Variants in ARID1A observed in about 807,000 individuals in gnomAD.
ARID1A encodes the protein AT-rich interactive domain-containing protein 1A.
ARID1A carries 20 observed loss-of-function variants against 212.6 expected under a neutral mutation model. The observed-to-expected ratio is 0.09, with a 90% CI of 0.07 to 0.14. ARID1A has a LOEUF of 0.14. Ranked by LOEUF, ARID1A falls within the 10% of genes least tolerant of loss-of-function variation. ARID1A has a pLI of 1.00. For missense variants in ARID1A, 2,587 were observed against 3,059.0 expected, an observed-to-expected ratio of 0.85 and a Z score of 3.64; for synonymous variants, 1,376 against 1,222.1, an observed-to-expected ratio of 1.13 and a Z score of -2.63.
intron 1 of ARID1A, among the ~76,000 whole-genome samples, chr1:26,715,187 TA>T (rs2080490574): frequency 6.6e-6 from 1 of 152,238 alleles, no homozygotes. Context: ...TTACTTTGTT[TA>T]TTTGTTTGTT....
At chr1:26,775,875 A>T in intron 19 of ARID1A, 168 bp downstream of exon 19, 1 of 953,118 alleles carries the variant, frequency 1.0e-6, no homozygotes, top group South Asian at 1.4e-5. Context: ...CAGGATTTTG[A>T]CAGCAATAAT....
At chr1:26,743,481 A>G (rs2080807481) in intron 4 of ARID1A, among the ~76,000 whole-genome samples, 1 of 151,992 alleles carries the variant, frequency 6.6e-6, no homozygotes, top group Admixed American at 6.6e-5. Flanking sequence ...TTGGGAGCTG[A>G]CGTTTTGTTG....
At position 26,740,677 on chromosome 1, in the gene ARID1A, A is replaced by G. The variant is rs571728996; in HGVS notation, c.1920+7885A>G. The stretch of plus-strand genomic sequence containing the variant: ...GGTAACTGGGGCAATCATGTGATAA[A>G]ACTAATGTTTTACAAAAATGATCCA... On this transcript the variant is annotated intron_variant, in intron 4 of 19. Coordinates refer to ENST00000324856, the MANE Select transcript of ARID1A (RefSeq NM_006015.6). 2.0e-5 allele frequency among the ~76,000 whole-genome samples: 3 copies of G among 152,348 alleles called. No individual in the cohort carries two copies. The East Asian group carries it at 5.8e-4, about 29-fold the overall frequency.
intron 4 of ARID1A, among the ~76,000 whole-genome samples, chr1:26,756,585 A>AC (rs1389747558): frequency 4.6e-5 from 7 of 151,632 alleles, no homozygotes; most frequent in Non-Finnish European, 7.4e-5. Context: ...AAAACAAAAA[A>AC]ACACACACAA....
At chr1:26,775,519 AGGGGTGCCTCCAGCCAACCT>A in intron 18 of ARID1A, 38 bp from the exon 19 acceptor site, 3 of 1,606,810 alleles carry the variant, frequency 1.9e-6, no homozygotes, top group Non-Finnish European at 2.5e-6. Context: ...GGGCAGCCCT[AGGGGTGCCTCCAGCCAACCT>A]GGGCTTGGTG....
chr1:26,760,297 C>CA (rs1484963987), intron 4 of ARID1A, among the ~76,000 whole-genome samples: 1 of 152,288 alleles, frequency 6.6e-6, no homozygotes, highest in Non-Finnish European at 1.5e-5. Flanking sequence ...ACTATAGTGT[C>CA]AGAGTTGAGT....
At chr1:26,777,031 G>T (rs564325060) in intron 19 of ARID1A, among the ~76,000 whole-genome samples, 2 of 152,160 alleles carry the variant, frequency 1.3e-5, no homozygotes, top group African/African-American at 4.8e-5. Flanking sequence ...ACCCTGTAAA[G>T]TTTAGGAATT....
At chr1:26,733,360 G>GTATA (rs767177823) in intron 4 of ARID1A, among the ~76,000 whole-genome samples, 1 of 152,118 alleles carries the variant, frequency 6.6e-6, no homozygotes, top group Non-Finnish European at 1.5e-5. Context: ...GAGACAGGCA[G>GTATA]TATAGTCTAG....
chr1:26,742,625 G>A (rs2080798569), intron 4 of ARID1A, among the ~76,000 whole-genome samples: 1 of 152,086 alleles, frequency 6.6e-6, no homozygotes, highest in South Asian at 2.1e-4. Flanking sequence ...GTGTCTAATG[G>A]TTTAGAAGCA....
At position 26,774,094 on chromosome 1, in the gene ARID1A, T is replaced by C. The variant is rs939931571; in HGVS notation, c.4101+196T>C. ...ATTTGGAGTTGGAAGGGGCTAGAAATAGACCTTATTTTGATTTTTAGGTTT... is the reference window on the plus strand; with the variant it reads ...ATTTGGAGTTGGAAGGGGCTAGAAACAGACCTTATTTTGATTTTTAGGTTT... On this transcript the variant is annotated intron_variant, in intron 17 of 19. Coordinates refer to ENST00000324856, the MANE Select transcript of ARID1A (RefSeq NM_006015.6). The surrounding 1 kb of genome is among the most constrained non-coding windows in gnomAD (Gnocchi z 5.6). The C allele has an allele frequency of 4.6e-6, 5 of 1,084,294 alleles. No individual in the cohort carries two copies. The African/African-American group carries it at 4.8e-5, about 10-fold the overall frequency. The allele number at this position is 1,084,294 out of a possible 1,614,324, so 67.2% of individuals were successfully genotyped here. A position where few individuals can be genotyped will look rare whatever the true frequency, so the allele number is the denominator to read the frequency against.
chr1:26,772,939 C>T lies in ARID1A; in HGVS notation c.3667C>T (p.Arg1223Cys), dbSNP rs1227227387. The T allele has an allele frequency of 4.3e-6, 7 of 1,613,706 alleles. No homozygotes were observed. The highest frequency in any genetic ancestry group is 2.2e-5 in the East Asian group (1 of 44,878). Residue 1223 changes from arginine (R) to cysteine (C), a missense_variant, in exon 14 of 20, where the codon CGC becomes TGC. Arg to Cys is a radical substitution (Grantham distance 180, BLOSUM62 -3). Transcript: ENST00000324856. ...TATGAATACCTCTGACATGATGGGG[C>T]GCATGTCCTATGAGCCAAATAAGGA... ...PSMNTSDMMG[R>C]MSYEPNKDPY...
intron 10 of ARID1A, among the ~76,000 whole-genome samples, chr1:26,767,030 C>G (rs1400843908): frequency 1.3e-5 from 2 of 152,150 alleles, no homozygotes; most frequent in African/African-American, 4.8e-5. Context: ...CTTGGCTTCC[C>G]TTAGGTTGGT....
Position 26,780,214 on chromosome 1 carries a change from C to T in ARID1A, c.6316C>T (p.Leu2106=), listed in dbSNP as rs150055041. The change falls in exon 20 of 20, where the codon CTG becomes TTG. Residue 2106 remains leucine, a synonymous_variant. Coordinates refer to ENST00000324856, the MANE Select transcript of ARID1A (RefSeq NM_006015.6). The surrounding 1 kb of genome is among the most constrained non-coding windows in gnomAD (Gnocchi z 7.2). The stretch of plus-strand genomic sequence containing the variant: ...TGAAGCCCAGGACCCCTTTTCCACC[C>T]TGGGCCCCAATGCCGTCCTTTCCCC... ...SAEAQDPFST[L]GPNAVLSPQR... 6.2e-7 allele frequency: 1 copy of T among 1,614,196 alleles called. No homozygotes were observed. The highest frequency in any genetic ancestry group is 2.2e-5 in the East Asian group (1 of 44,890).
Position 26,779,292 on chromosome 1 carries a change from A to G in ARID1A, c.5394A>G (p.Ser1798=), listed in dbSNP as rs766267255. 9 of 1,614,270 alleles carry G rather than the reference A, an allele frequency of 5.6e-6. No individual in the cohort carries two copies. Among genetic ancestry groups the G allele is most frequent in the Middle Eastern group, 3.3e-4 (2 of 6,062 alleles). The change falls in exon 20 of 20, where the codon TCA becomes TCG. Residue 1798 remains serine (S), a synonymous_variant. Transcript: ENST00000324856. ...IAFSGKDKPA[S]ENSEEKLISK... is the part of the protein sequence containing the mutation. ...TTTCAGGCAAGGACAAGCCAGCTTC[A>G]GAGAATAGTGAGGAGAAGCTGATCA...
rs1434780800 is a variant in ARID1A at position 26,777,450 on chromosome 1, T to G, written c.5125-1573T>G. On this transcript the variant is annotated intron_variant, in intron 19 of 19. Coordinates refer to ENST00000324856, the MANE Select transcript of ARID1A (RefSeq NM_006015.6). ...CTTCACCATGTTGCCCAGGCTGATTTCAAACTCCTGGGCTCAAGTGATTGA... is the reference window on the plus strand; with the variant it reads ...CTTCACCATGTTGCCCAGGCTGATTGCAAACTCCTGGGCTCAAGTGATTGA... Among the ~76,000 whole-genome samples, 3 of 151,698 alleles carry G rather than the reference T, an allele frequency of 2.0e-5. No homozygotes were observed. The East Asian group carries it at 5.8e-4, about 29-fold the overall frequency.
rs2124124077 is a variant in ARID1A, at chr1:26,775,190, C to A, written c.4963C>A (p.Gln1655Lys). 1 of 1,600,018 alleles carries A rather than the reference C, an allele frequency of 6.2e-7. No individual in the cohort carries two copies. The highest frequency in any genetic ancestry group is 8.5e-7 in the Non-Finnish European group (1 of 1,174,660). Residue 1655 changes from glutamine (Q) to lysine (K), a missense_variant, in exon 18 of 20, where the codon CAG becomes AAG. Physicochemically the swap from Gln to Lys is moderately conservative, Grantham distance 53 (BLOSUM62 1). Around this residue, in one of 11 missense-constraint regions of ARID1A, gnomAD observed 890 missense variants for 1,098.2 expected, o/e 0.81. Transcript: ENST00000324856. Reference protein sequence around the residue: ...SVEATQPVLKQRRRLTMKDIG... With the variant: ...SVEATQPVLKKRRRLTMKDIG... ...TGAAGCCACACAGCCTGTGTTGAAG[C>A]AGAGGAGGCGGCTCACAATGAAAGA...
At chr1:26,740,478 C>T (rs1163369672) in intron 4 of ARID1A, among the ~76,000 whole-genome samples, 1 of 152,096 alleles carries the variant, frequency 6.6e-6, no homozygotes, top group African/African-American at 2.4e-5. Flanking sequence ...TGGTTAGTTA[C>T]AAAGGGAAAG....
At chr1:26,760,309 G>A (rs1480726355) in intron 4 of ARID1A, among the ~76,000 whole-genome samples, 5 of 152,210 alleles carry the variant, frequency 3.3e-5, no homozygotes, top group Non-Finnish European at 5.9e-5. Flanking sequence ...GAGTTGAGTA[G>A]TTTTGAAGGA....
chr1:26,780,391 G>A lies in ARID1A; in HGVS notation c.6493G>A (p.Glu2165Lys), dbSNP rs2124149677. The change falls in exon 20 of 20, where the codon GAG (glutamate) becomes AAG (lysine). Residue 2165 changes from glutamate (E) to lysine (K), a missense_variant. Glu to Lys is a moderately conservative substitution (Grantham distance 56). This residue lies in a region of ARID1A where 168 missense variants were observed against 321.0 expected (regional missense o/e 0.52). Transcript: ENST00000324856. This position sits in a 1 kb window ranked among gnomAD's most constrained non-coding sequence, Gnocchi z 7.2. ...TGACCGAAAGAACCCGGTGTGCCGG[G>A]AGATGGCTGTGGTACTGCTGGCCAA... ...LSDRKNPVCR[E>K]MAVVLLANLA... 6.2e-7 allele frequency: 1 copy of A among 1,614,230 alleles called. No homozygotes were observed.
Sources: gnomAD v4.1 joint callset for allele counts (sites outside exome capture counted in the v4.1 genomes callset) on GRCh38, gnomAD v4.1.1 for gene constraint, gnomAD v4.1.1 regional missense constraint, Gnocchi (gnomAD v3.1) non-coding constraint, MANE v1.5 for transcripts, NCBI Gene and HGNC (gene_info 2026-07-23, HGNC 2026-07-21) for gene names.